Variants in PLCG2 observed in about 807,000 individuals in gnomAD.
The protein encoded by PLCG2 is phospholipase C gamma 2, also known as 1-phosphatidylinositol 4,5-bisphosphate phosphodiesterase gamma-2.
A neutral mutation model predicts 175.6 loss-of-function variants in PLCG2; 69 were observed. That is an observed-to-expected ratio of 0.39 (90% CI 0.32 to 0.48). The LOEUF (loss-of-function observed/expected upper bound fraction) is 0.48, where lower values mean the gene tolerates loss of function less well. PLCG2 is among the 20% of genes least tolerant of loss of function. The pLI, the probability that PLCG2 is intolerant of heterozygous loss-of-function variation, is 0.91. For missense variants in PLCG2, 1,798 were observed against 1,650.9 expected (o/e 1.09, Z -1.54); for synonymous variants, 827 against 624.0 (o/e 1.33, Z -4.85).
intron 2 of PLCG2, among the ~76,000 whole-genome samples, chr16:81,848,411 G>T (rs1382630739): frequency 6.6e-6 from 1 of 152,168 alleles, no homozygotes; most frequent in Non-Finnish European, 1.5e-5. Flanking sequence ...GTGTGCGGAT[G>T]TGCAGGGCTG....
chr16:81,888,433 G>A (rs893533763), intron 9 of PLCG2, among the ~76,000 whole-genome samples: 1 of 152,184 alleles, frequency 6.6e-6, no homozygotes, highest in Non-Finnish European at 1.5e-5. Context: ...CACCATGTTG[G>A]CCAGGCTGGT....
At chr16:81,890,391 G>C (rs1359597159) in intron 10 of PLCG2, among the ~76,000 whole-genome samples, 2 of 152,234 alleles carry the variant, frequency 1.3e-5, no homozygotes, top group Admixed American at 6.5e-5. Context: ...GGGCAGTTTG[G>C]AGGTTAAAGG....
chr16:81,751,351 T>C (rs1567693150), intron 1 of PLCG2, among the ~76,000 whole-genome samples: 4 of 152,200 alleles, frequency 2.6e-5, no homozygotes, highest in Admixed American at 6.5e-5. Context: ...GAGAACATTA[T>C]GCTAAGTGAA....
At chr16:81,935,419 G>A in intron 26 of PLCG2, 1 of 440,688 alleles carries the variant, frequency 2.3e-6, no homozygotes, top group Non-Finnish European at 3.0e-6. Flanking sequence ...CATCTTTGGG[G>A]GCCATTTAAA....
chr16:81,816,954 G>C (rs1904579934), intron 2 of PLCG2, among the ~76,000 whole-genome samples: 1 of 152,056 alleles, frequency 6.6e-6, no homozygotes, highest in Non-Finnish European at 1.5e-5. Context: ...CTCTGAGCTG[G>C]GCTTTTTTTC....
intron 1 of PLCG2, chr16:81,783,183 A>G (rs1292130312): frequency 4.2e-6 from 2 of 471,732 alleles, no homozygotes; most frequent in East Asian, 6.1e-5. Context: ...CCAGTGGACT[A>G]TGGCCTAGAG....
intron 13 of PLCG2, among the ~76,000 whole-genome samples, chr16:81,896,851 A>G (rs184401908): frequency 6.6e-6 from 1 of 152,202 alleles, no homozygotes; most frequent in Non-Finnish European, 1.5e-5. Context: ...AGATGAGTAA[A>G]TTGAGACAAG....
chr16:81,860,160 A>ATTATTATTT (rs1906897541), intron 5 of PLCG2, among the ~76,000 whole-genome samples: 1 of 97,442 alleles, frequency 1.0e-5, no homozygotes, highest in Non-Finnish European at 2.4e-5. Context: ...TATTATTATT[A>ATTATTATTT]TTATTATTAT....
intron 23 of PLCG2, 69 bp downstream of exon 23, chr16:81,927,247 G>A: frequency 9.5e-7 from 1 of 1,058,022 alleles, no homozygotes. Context: ...AGGGAGCTGT[G>A]CCATCTCAGT....
intron 5 of PLCG2, 183 bp downstream of exon 5, chr16:81,859,346 G>A (rs560221720): frequency 1.5e-4 from 82 of 549,512 alleles, no homozygotes; most frequent in African/African-American, 1.4e-3. Context: ...CCTGGAGGGA[G>A]CCTCTATTCC....
chr16:81,936,802 C>T (rs3934956), intron 27 of PLCG2, among the ~76,000 whole-genome samples: 72,547 of 152,042 alleles, frequency 0.48, 17,664 homozygotes, highest in African/African-American at 0.57. Context: ...GCATAAATCA[C>T]GGGGCTTTGT....
intron 2 of PLCG2, among the ~76,000 whole-genome samples, chr16:81,803,684 T>G (rs1467700184): frequency 1.5e-5 from 2 of 130,248 alleles, no homozygotes; most frequent in African/African-American, 5.4e-5. Context: ...TTCCTTCCTT[T>G]TCTTTCTTTC....
intron 7 of PLCG2, among the ~76,000 whole-genome samples, chr16:81,878,231 G>A (rs946927593): frequency 2.0e-5 from 3 of 151,820 alleles, no homozygotes; most frequent in African/African-American, 7.3e-5. Context: ...TGATCCGCCT[G>A]CCTCGGCCTC....
chr16:81,882,890 C>A (rs1209266962), intron 8 of PLCG2, among the ~76,000 whole-genome samples: 2 of 151,894 alleles, frequency 1.3e-5, no homozygotes, highest in Non-Finnish European at 2.9e-5. Context: ...TCAGCCATTC[C>A]CACTCTTCCC....
intron 8 of PLCG2, among the ~76,000 whole-genome samples, chr16:81,882,153 G>A (rs1432200313): frequency 1.3e-5 from 2 of 152,134 alleles, no homozygotes; most frequent in African/African-American, 4.8e-5. Context: ...AAGTGCTCAG[G>A]GAAACATACC....
At chr16:81,935,437 A>AT in intron 26 of PLCG2, 3 of 688,236 alleles carry the variant, frequency 4.4e-6, no homozygotes, top group Non-Finnish European at 5.4e-6. Flanking sequence ...AAAAAAAAAA[A>AT]GACCTTCTAC....
intron 23 of PLCG2, among the ~76,000 whole-genome samples, chr16:81,927,436 C>T (rs956501342): frequency 6.6e-6 from 1 of 152,184 alleles, no homozygotes; most frequent in African/African-American, 2.4e-5. Context: ...AGAATTCCCG[C>T]TGGAGTGAAA....
rs375703255 is a variant in PLCG2, at chr16:81,773,216, G to T, written c.-47-12727G>T. ...CTCTTTTCAGTCTCTTCCCTTTCAG[G>T]TCTGGTTGCCAGGAGTGGCAGATGT... On this transcript the variant is annotated intron_variant, in intron 2 of 5. Transcript: ENST00000565054. Among the ~76,000 whole-genome samples the T allele has an allele frequency of 4.9e-4, 75 of 152,294 alleles. No homozygotes were observed. The South Asian group carries it at 0.011, about 22-fold the overall frequency.
intron 2 of PLCG2, among the ~76,000 whole-genome samples, chr16:81,845,743 C>T (rs1472174574): frequency 3.3e-5 from 5 of 152,354 alleles, no homozygotes; most frequent in Admixed American, 2.6e-4. Context: ...CACCAAGATG[C>T]CCCTGCCTGA....
Sources: gnomAD v4.1 joint callset for allele counts (sites outside exome capture counted in the v4.1 genomes callset) on GRCh38, gnomAD v4.1.1 for gene constraint, MANE v1.5 for transcripts, NCBI Gene and HGNC (gene_info 2026-07-23, HGNC 2026-07-21) for gene names.